The following MCC variants were observed in gnomAD, a reference collection of about 807,000 sequenced individuals.
The protein encoded by MCC is colorectal mutant cancer protein.
MCC carries 90 observed loss-of-function variants against 116.2 expected under a neutral mutation model. That is an observed-to-expected ratio of 0.77 (90% CI 0.65 to 0.92). The LOEUF (loss-of-function observed/expected upper bound fraction) is 0.92. MCC is among the 40% of genes least tolerant of loss of function. The pLI, the probability that MCC is intolerant of heterozygous loss-of-function variation, is 0.00. For synonymous variants in MCC, 578 were observed against 510.5 expected, an observed-to-expected ratio of 1.13 and a Z score of -1.78; for missense variants, 1,516 against 1,312.2, an observed-to-expected ratio of 1.16 and a Z score of -2.40.
At chr5:113,067,763 G>C (rs112182176) in intron 13 of MCC, among the ~76,000 whole-genome samples, 1 of 152,274 alleles carries the variant, frequency 6.6e-6, no homozygotes, top group Admixed American at 6.5e-5. Context: ...GCATCAGAGA[G>C]ACAGCTGCAG....
In MCC at chr5:113,136,384, T is replaced by A. The variant is rs552247654; in HGVS notation, c.884+6834A>T. ...ATAGACCTACTGATGGTACAGCTCATGGGTGCAAGACATCTTCTGATAAGA... is the reference window on the plus strand; with the variant it reads ...ATAGACCTACTGATGGTACAGCTCAAGGGTGCAAGACATCTTCTGATAAGA... On this transcript the variant is annotated intron_variant, in intron 5 of 18. Coordinates refer to ENST00000408903, the MANE Select transcript of MCC (RefSeq NM_001085377.2). Among the ~76,000 whole-genome samples, 14 of 152,322 alleles carry A rather than the reference T, an allele frequency of 9.2e-5. No individual in the cohort carries two copies. In the East Asian group the frequency reaches 2.7e-3, roughly 29 times the overall value.
At position 113,025,901 on chromosome 5, in the gene MCC, A is replaced by G. The variant is rs1465136842; in HGVS notation, c.*1401T>C. On this transcript the variant is annotated 3_prime_UTR_variant, in exon 19 of 19. Coordinates refer to ENST00000408903, the MANE Select transcript of MCC (RefSeq NM_001085377.2). ...TTATGGACATAAAGACTCTATGCAG[A>G]AACCTCCTCAACTTTAATTTGTAGT... The G allele has an allele frequency of 1.3e-5, 2 of 152,234 alleles. No individual in the cohort carries two copies. The highest frequency in any genetic ancestry group is 4.8e-5 in the African/African-American group (2 of 41,454). 9.4% of individuals were successfully genotyped at this position (152,234 alleles called of 1,614,324 possible). A position where few individuals can be genotyped will look rare whatever the true frequency, so the allele number is the denominator to read the frequency against.
intron 3 of MCC, among the ~76,000 whole-genome samples, chr5:113,191,712 T>C (rs1475955689): frequency 6.6e-6 from 1 of 152,150 alleles, no homozygotes; most frequent in Non-Finnish European, 1.5e-5. Flanking sequence ...GATGCAACAG[T>C]TTCTTTTTTC....
chr5:113,132,393 TATATAC>T (rs889298088), intron 5 of MCC, among the ~76,000 whole-genome samples: 2 of 145,406 alleles, frequency 1.4e-5, no homozygotes, highest in Non-Finnish European at 3.0e-5. Flanking sequence ...CATACATATA[TATATAC>T]ATACATACAT....
chr5:113,064,857 A>T (rs4235787), intron 13 of MCC, among the ~76,000 whole-genome samples: 151,250 of 152,280 alleles, frequency 0.99, 75,127 homozygotes, highest in Non-Finnish European at 1. Context: ...TCCTATTGTG[A>T]TTTAAGACTG....
intron 3 of MCC, among the ~76,000 whole-genome samples, chr5:113,157,005 T>C (rs1266781806): frequency 6.6e-6 from 1 of 152,076 alleles, no homozygotes; most frequent in Non-Finnish European, 1.5e-5. Flanking sequence ...CTCCCAGGGG[T>C]ATCTCCTTTG....
At chr5:113,235,751 G>C (rs2150336636) in intron 3 of MCC, among the ~76,000 whole-genome samples, 1 of 152,318 alleles carries the variant, frequency 6.6e-6, no homozygotes, top group Non-Finnish European at 1.5e-5. Flanking sequence ...AACCATTTCG[G>C]TTAAGAGATT....
rs1313054752 is a variant in MCC at position 113,270,524 on chromosome 5, T to C, written c.627+69995A>G. On this transcript the variant is annotated intron_variant, in intron 3 of 18. Coordinates refer to ENST00000408903, the MANE Select transcript of MCC (RefSeq NM_001085377.2). ...CCCCAAGGGCTAACGTCCTTTAGAA[T>C]AAAAAACCTAGGTACCCAAGATAAC... Among the ~76,000 whole-genome samples, 3 of 151,152 alleles carry C rather than the reference T, an allele frequency of 2.0e-5. No individual in the cohort carries two copies. The East Asian group carries it at 5.8e-4, about 29-fold the overall frequency.
At chr5:113,111,838 C>G (rs1280036078) in intron 6 of MCC, among the ~76,000 whole-genome samples, 1 of 152,176 alleles carries the variant, frequency 6.6e-6, no homozygotes, top group African/African-American at 2.4e-5. Context: ...TCCTAATGAG[C>G]CTTCTGGCTT....
At chr5:113,085,040 T>C in intron 9 of MCC, 124 bp downstream of exon 9, 1 of 1,335,676 alleles carries the variant, frequency 7.5e-7, no homozygotes, top group South Asian at 1.2e-5. Context: ...CTGCGTAAGG[T>C]CCCAGGGGAA....
intron 6 of MCC, among the ~76,000 whole-genome samples, chr5:113,122,354 C>CCCCAT (rs372354289): frequency 3.9e-5 from 6 of 152,126 alleles, no homozygotes; most frequent in African/African-American, 1.4e-4. Flanking sequence ...ATGTGTTGGC[C>CCCCAT]CCCATCCCAT....
chr5:113,316,683 G>A (rs1430382027), intron 3 of MCC, among the ~76,000 whole-genome samples: 2 of 152,050 alleles, frequency 1.3e-5, no homozygotes, highest in African/African-American at 2.4e-5. Flanking sequence ...AACACAATGC[G>A]TAATTCTATT....
Position 113,416,701 on chromosome 5 carries a change from C to T in MCC, c.171-31489G>A, listed in dbSNP as rs111813487. 5.8e-4 allele frequency among the ~76,000 whole-genome samples: 88 copies of T among 152,118 alleles called. 1 individual carries two copies. Among genetic ancestry groups the T allele is most frequent in the African/African-American group, 2.0e-3 (84 of 41,516 alleles). On this transcript the variant is annotated intron_variant, in intron 1 of 18. Coordinates refer to ENST00000408903, the MANE Select transcript of MCC (RefSeq NM_001085377.2). The stretch of plus-strand genomic sequence containing the variant: ...ATGAAGTGGCTAGAAAACAAAATAG[C>T]ATGAGAGGAGAGAAATATACTTTCC...
chr5:113,291,668 T>A (rs968660872), intron 3 of MCC, among the ~76,000 whole-genome samples: 13 of 151,570 alleles, frequency 8.6e-5, no homozygotes, highest in African/African-American at 2.9e-4. Context: ...CCCTGAGGGG[T>A]TTTATTAGCT....
chr5:113,258,848 T>C lies in MCC; in HGVS notation c.627+81671A>G, dbSNP rs1487302041. ...AGAAGAACACATAAAATATATAAAGTAATATATCTTATCACTTACTTTACT... is the reference window on the plus strand; with the variant it reads ...AGAAGAACACATAAAATATATAAAGCAATATATCTTATCACTTACTTTACT... On this transcript the variant is annotated intron_variant, in intron 3 of 18. Coordinates refer to ENST00000408903, the MANE Select transcript of MCC (RefSeq NM_001085377.2). Among the ~76,000 whole-genome samples, 4 of 152,218 alleles carry C rather than the reference T, an allele frequency of 2.6e-5. 1 individual carries two copies. The highest frequency in any genetic ancestry group is 9.6e-5 in the African/African-American group (4 of 41,468).
chr5:113,089,067 A>G (rs1356317266), intron 8 of MCC, among the ~76,000 whole-genome samples: 1 of 152,176 alleles, frequency 6.6e-6, no homozygotes. Flanking sequence ...ATCATTCAGC[A>G]CCCTTCACAG....
intron 1 of MCC, among the ~76,000 whole-genome samples, chr5:113,486,410 G>A (rs569892211): frequency 1.3e-4 from 20 of 152,192 alleles, no homozygotes; most frequent in African/African-American, 3.9e-4. Context: ...TTATCCTCCC[G>A]GGTAGAATCA....
intron 15 of MCC, among the ~76,000 whole-genome samples, chr5:113,052,559 G>A (rs1337740567): frequency 6.6e-6 from 1 of 152,164 alleles, no homozygotes; most frequent in African/African-American, 2.4e-5. Flanking sequence ...AGCTCCCAAG[G>A]ACAGGGCTGT....
At chr5:113,254,567 G>A (rs1433898529) in intron 3 of MCC, among the ~76,000 whole-genome samples, 2 of 152,110 alleles carry the variant, frequency 1.3e-5, no homozygotes, top group Non-Finnish European at 2.9e-5. Context: ...GAACATCACA[G>A]CCCATACGTA....
Sources: allele counts gnomAD v4.1 joint callset (sites outside exome capture counted in the v4.1 genomes callset), GRCh38; gene constraint gnomAD v4.1.1; transcripts MANE v1.5; gene names NCBI Gene and HGNC (gene_info 2026-07-23, HGNC 2026-07-21).